PPM1L: variants seen among roughly 807,000 people sequenced by gnomAD.
The protein encoded by PPM1L is protein phosphatase, Mg2+/Mn2+ dependent 1L, also known as protein phosphatase 1L.
In PPM1L, 13 loss-of-function variants were observed where a neutral mutation model predicts 31.4. The observed-to-expected ratio is 0.41, with a 90% CI of 0.27 to 0.66. The LOEUF is 0.66. Ranked by LOEUF, PPM1L falls within the 30% of genes least tolerant of loss-of-function variation. The probability of loss-of-function intolerance (pLI) is 0.29; values close to 1 mark genes in which losing one functional copy is unlikely to be tolerated. For synonymous variants in PPM1L, 184 were observed against 175.4 expected, an observed-to-expected ratio of 1.05 and a Z score of -0.39; for missense variants, 326 against 453.7, an observed-to-expected ratio of 0.72 and a Z score of 2.56.
chr3:160,799,675 A>G (rs562973382), intron 1 of PPM1L, among the ~76,000 whole-genome samples: 4 of 152,216 alleles, frequency 2.6e-5, no homozygotes, highest in African/African-American at 9.6e-5. Flanking sequence ...CTGTACCTTT[A>G]CACTTGCTAT....
intron 1 of PPM1L, among the ~76,000 whole-genome samples, chr3:160,897,397 C>A (rs1287214401): frequency 6.6e-6 from 1 of 152,148 alleles, no homozygotes; most frequent in Non-Finnish European, 1.5e-5. Context: ...CCTGATGTCT[C>A]TAACTAGGTG....
intron 1 of PPM1L, among the ~76,000 whole-genome samples, chr3:160,807,207 G>A (rs1314865245): frequency 1.3e-5 from 2 of 152,146 alleles, no homozygotes; most frequent in Non-Finnish European, 2.9e-5. Context: ...CACTCTGGAT[G>A]AACATTTTTT....
At chr3:160,799,411 G>T (rs56180903) in intron 1 of PPM1L, among the ~76,000 whole-genome samples, 7,459 of 152,218 alleles carry the variant, frequency 0.049, 204 homozygotes, top group East Asian at 0.072. Context: ...CCCTCCACCA[G>T]CAAAATTGCT....
chr3:160,817,459 A>T (rs1052180314), intron 1 of PPM1L, among the ~76,000 whole-genome samples: 3 of 152,124 alleles, frequency 2.0e-5, no homozygotes, highest in African/African-American at 7.2e-5. Context: ...ATGGCTAAAG[A>T]TAATTGGATG....
rs1380062291 is a variant in PPM1L at position 161,078,523 on chromosome 3, C to T, written c.*9366C>T. The T allele has an allele frequency of 7.9e-5, 12 of 152,124 alleles. No individual in the cohort carries two copies. The highest frequency in any genetic ancestry group is 1.9e-4 in the African/African-American group (8 of 41,430). The allele number at this position is 152,124 out of a possible 1,614,324, so 9.4% of individuals were successfully genotyped here. A position where few individuals can be genotyped will look rare whatever the true frequency, so the allele number is the denominator to read the frequency against. On this transcript the variant is annotated 3_prime_UTR_variant, in exon 4 of 4. Transcript: ENST00000498165. ...GACTGTAAAATCAATCAGGCTTTCT[C>T]GTAAGTTATTTCCTGAAAACCATCC...
chr3:160,862,705 A>ACACACACAC (rs1560130395), intron 1 of PPM1L, among the ~76,000 whole-genome samples: 949 of 83,878 alleles, frequency 0.011, 26 homozygotes, highest in Non-Finnish European at 8.5e-3. Flanking sequence ...CACACACACA[A>ACACACACAC]AATTCTGAAA....
At chr3:160,947,890 A>T (rs1715459135) in intron 1 of PPM1L, among the ~76,000 whole-genome samples, 1 of 152,160 alleles carries the variant, frequency 6.6e-6, no homozygotes, top group Non-Finnish European at 1.5e-5. Flanking sequence ...AAAAAATATT[A>T]TTTCCATAAT....
At chr3:160,882,616 C>G (rs1172792800) in intron 1 of PPM1L, among the ~76,000 whole-genome samples, 1 of 152,126 alleles carries the variant, frequency 6.6e-6, no homozygotes, top group Non-Finnish European at 1.5e-5. Flanking sequence ...GACTCAATTT[C>G]CAAATAAGTT....
chr3:161,044,118 C>A (rs1344327326), intron 2 of PPM1L, among the ~76,000 whole-genome samples: 2 of 152,112 alleles, frequency 1.3e-5, no homozygotes. Flanking sequence ...TGGTTCACTG[C>A]AACCTCTGCC....
intron 1 of PPM1L, among the ~76,000 whole-genome samples, chr3:160,858,551 C>A (rs1276155822): frequency 6.6e-6 from 1 of 152,150 alleles, no homozygotes; most frequent in Non-Finnish European, 1.5e-5. Flanking sequence ...CACAATAAAT[C>A]TTATTTCCTT....
intron 1 of PPM1L, among the ~76,000 whole-genome samples, chr3:160,866,593 G>A (rs1260887336): frequency 6.6e-6 from 1 of 152,092 alleles, no homozygotes; most frequent in African/African-American, 2.4e-5. Context: ...CTTTGAATTT[G>A]GAGATTTTCA....
At chr3:160,955,659 T>TC (rs1187035892) in intron 1 of PPM1L, among the ~76,000 whole-genome samples, 1 of 151,056 alleles carries the variant, frequency 6.6e-6, no homozygotes, top group East Asian at 1.9e-4. Context: ...GTTTTCTTTT[T>TC]TTTTTTTTTT....
At chr3:160,801,683 A>G (rs1201138025) in intron 1 of PPM1L, among the ~76,000 whole-genome samples, 1 of 152,162 alleles carries the variant, frequency 6.6e-6, no homozygotes, top group Non-Finnish European at 1.5e-5. Context: ...GGACTTCTGC[A>G]GTTTTTTGTT....
rs1038539131 is a variant in PPM1L at position 161,071,053 on chromosome 3, T to C, written c.*1896T>C. The C allele has an allele frequency of 1.3e-5, 2 of 152,206 alleles. No homozygotes were observed. The highest frequency in any genetic ancestry group is 2.9e-5 in the Non-Finnish European group (2 of 68,052). The allele number at this position is 152,206 out of a possible 1,614,324, so 9.4% of individuals were successfully genotyped here. Reference sequence around the variant, plus strand: ...CATTTTAGATTTAAGCATTTGCCTATGGGGAGACACTGAATATGTGGATGT... The same window carrying C: ...CATTTTAGATTTAAGCATTTGCCTACGGGGAGACACTGAATATGTGGATGT... On this transcript the variant is annotated 3_prime_UTR_variant, in exon 4 of 4. Transcript: ENST00000498165.
chr3:160,761,320 G>T (rs1260756877), intron 1 of PPM1L, among the ~76,000 whole-genome samples: 1 of 152,110 alleles, frequency 6.6e-6, no homozygotes, highest in African/African-American at 2.4e-5. Context: ...TGCTTTTATT[G>T]AATTGTTTGC....
chr3:160,772,395 G>A (rs1353444956), intron 1 of PPM1L, among the ~76,000 whole-genome samples: 2 of 152,174 alleles, frequency 1.3e-5, no homozygotes, highest in Non-Finnish European at 2.9e-5. Flanking sequence ...AAAATAGGAT[G>A]GCAACAGGAG....
intron 1 of PPM1L, among the ~76,000 whole-genome samples, chr3:160,810,334 G>A (rs1370096126): frequency 1.3e-5 from 2 of 152,072 alleles, no homozygotes; most frequent in Admixed American, 1.3e-4. Context: ...AGCTGTTCCT[G>A]TGATTAAAAT....
intron 1 of PPM1L, among the ~76,000 whole-genome samples, chr3:160,954,024 T>C (rs1225580753): frequency 6.6e-6 from 1 of 152,188 alleles, no homozygotes; most frequent in Non-Finnish European, 1.5e-5. Flanking sequence ...GCCATCTTTG[T>C]AAAAAATTAA....
intron 1 of PPM1L, among the ~76,000 whole-genome samples, chr3:160,805,338 G>A (rs962617136): frequency 2.6e-5 from 4 of 152,092 alleles, no homozygotes; most frequent in Admixed American, 2.6e-4. Context: ...CAGAACAGTG[G>A]TACCTCCACT....
Sources: gnomAD v4.1 joint callset for allele counts (sites outside exome capture counted in the v4.1 genomes callset) on GRCh38, gnomAD v4.1.1 for gene constraint, MANE v1.5 for transcripts, NCBI Gene and HGNC (gene_info 2026-07-23, HGNC 2026-07-21) for gene names.